The following COL4A1 variants were observed in gnomAD, a reference collection of about 807,000 sequenced individuals.
COL4A1 encodes the protein collagen alpha-1(IV) chain.
COL4A1 carries 40 observed loss-of-function variants against 216.6 expected under a neutral mutation model. The observed-to-expected ratio is 0.18, with a 90% CI of 0.14 to 0.24. The LOEUF (loss-of-function observed/expected upper bound fraction) is 0.24. Ranked by LOEUF, COL4A1 falls within the 10% of genes least tolerant of loss-of-function variation. The pLI is 1.00. For missense variants in COL4A1, 1,628 were observed against 2,196.8 expected, an observed-to-expected ratio of 0.74 and a Z score of 5.18; for synonymous variants, 839 against 810.7, an observed-to-expected ratio of 1.03 and a Z score of -0.59.
At chr13:110,253,870 GTATATA>G (rs1037097541) in intron 1 of COL4A1, among the ~76,000 whole-genome samples, 13 of 149,878 alleles carry the variant, frequency 8.7e-5, no homozygotes, top group Non-Finnish European at 1.9e-4. Flanking sequence ...ATGTGTGTGT[GTATATA>G]TATAAAGTAT....
intron 29 of COL4A1, 52 bp downstream of exon 29, chr13:110,181,240 C>T: frequency 1.9e-6 from 3 of 1,561,634 alleles, no homozygotes; most frequent in Non-Finnish European, 2.6e-6. Context: ...TTCCATCCAA[C>T]TAATAACAAG....
intron 49 of COL4A1, among the ~76,000 whole-genome samples, chr13:110,158,552 G>C (rs1040859433): frequency 2.7e-5 from 4 of 149,496 alleles, no homozygotes; most frequent in African/African-American, 9.8e-5. Context: ...CTTCCTACCT[G>C]ATACTGCTAC....
rs143997808 is a variant in COL4A1 at position 110,230,331 on chromosome 13, C to T, written c.144+12344G>A. ...TGCGTGTATGTGATATGTGCATGCA[C>T]GTGATGTGTGCATGCACACATGTGA... On this transcript the variant is annotated intron_variant, in intron 2 of 51. Transcript: ENST00000375820. Among the ~76,000 whole-genome samples the T allele has an allele frequency of 3.0e-4, 45 of 151,858 alleles. No individual in the cohort carries two copies. The East Asian group carries it at 6.1e-3, about 21-fold the overall frequency.
chr13:110,252,376 C>A (rs2139259850), intron 1 of COL4A1, among the ~76,000 whole-genome samples: 1 of 150,280 alleles, frequency 6.7e-6, no homozygotes, highest in African/African-American at 2.5e-5. Flanking sequence ...TTTATAATAA[C>A]ATTTAATTTT....
intron 2 of COL4A1, among the ~76,000 whole-genome samples, chr13:110,220,036 C>T (rs1880398409): frequency 6.6e-6 from 1 of 150,600 alleles, no homozygotes; most frequent in African/African-American, 2.4e-5. Flanking sequence ...GTGTTACTAT[C>T]TTGGCTCACT....
chr13:110,272,223 T>C (rs1415594279), intron 1 of COL4A1, among the ~76,000 whole-genome samples: 1 of 152,236 alleles, frequency 6.6e-6, no homozygotes, highest in South Asian at 2.1e-4. Flanking sequence ...CCTCTTTTTC[T>C]TTTTCAGTAA....
At chr13:110,177,752 G>A in intron 33 of COL4A1, 90 bp downstream of exon 33, 1 of 1,384,796 alleles carries the variant, frequency 7.2e-7, no homozygotes, top group South Asian at 1.2e-5. Context: ...CGTCTTAAAG[G>A]GAAATATGAT....
intron 1 of COL4A1, among the ~76,000 whole-genome samples, chr13:110,297,221 G>A (rs967720545): frequency 1.3e-4 from 20 of 152,262 alleles, no homozygotes; most frequent in Admixed American, 2.0e-4. Flanking sequence ...CTGAAGCTGC[G>A]GGGTGGGGGG....
chr13:110,241,516 C>CA (rs1881567027), intron 2 of COL4A1, among the ~76,000 whole-genome samples: 1 of 152,170 alleles, frequency 6.6e-6, no homozygotes, highest in Admixed American at 6.5e-5. Context: ...GCATGAGAAA[C>CA]ACTTGCGTCT....
In COL4A1 at chr13:110,198,479, G is replaced by A. The variant is rs1277788794; in HGVS notation, c.1273C>T (p.Pro425Ser). ...PPGSPGPPGQ[P>S]GYTNGIVECQ... ...TGAGGGAACTCACTTGTGTAGCCAG[G>A]CTGCCCAGGGGGCCCAGGGGAACCA... Residue 425 changes from proline to serine, a missense_variant, in exon 21 of 52, where the codon CCT (proline) becomes TCT (serine). Physicochemically the swap from Pro to Ser is moderately conservative, Grantham distance 74 (BLOSUM62 -1). Around this residue, in one of 8 missense-constraint regions of COL4A1, gnomAD observed 701 missense variants for 892.5 expected, o/e 0.79. Transcript: ENST00000375820. 3 of 1,613,768 alleles carry A rather than the reference G, an allele frequency of 1.9e-6. No homozygotes were observed. The Admixed American group carries it at 5.0e-5, about 27-fold the overall frequency.
At chr13:110,251,214 C>T (rs1882057569) in intron 1 of COL4A1, among the ~76,000 whole-genome samples, 1 of 152,362 alleles carries the variant, frequency 6.6e-6, no homozygotes, top group South Asian at 2.1e-4. Context: ...TTTTCATCTT[C>T]CATGGCCTAC....
chr13:110,209,539 G>A (rs916963908), intron 10 of COL4A1, 112 bp from the exon 11 acceptor site: 8 of 885,804 alleles, frequency 9.0e-6, no homozygotes, highest in Non-Finnish European at 1.3e-5. Flanking sequence ...TAATTTATTT[G>A]TGAAATATTT....
At chr13:110,286,554 A>G (rs551212) in intron 1 of COL4A1, among the ~76,000 whole-genome samples, 124,527 of 151,810 alleles carry the variant, frequency 0.82, 51,291 homozygotes, top group East Asian at 0.99. Flanking sequence ...CTGAGGCAGT[A>G]AGACCACCAG....
At chr13:110,175,706 T>G (rs1048397607) in intron 36 of COL4A1, among the ~76,000 whole-genome samples, 3 of 152,244 alleles carry the variant, frequency 2.0e-5, no homozygotes, top group Admixed American at 1.3e-4. Context: ...CCAGCTCTCA[T>G]CAGCCAGACG....
intron 1 of COL4A1, among the ~76,000 whole-genome samples, chr13:110,262,267 CG>C (rs1882860447): frequency 2.0e-5 from 3 of 152,134 alleles, no homozygotes; most frequent in Admixed American, 1.3e-4. Context: ...TGCACCTGCC[CG>C]CCAGCAAGTG....
chr13:110,307,011 C>G lies in COL4A1; in HGVS notation c.17G>C (p.Ser6Thr). The G allele has an allele frequency of 2.0e-6, 3 of 1,471,592 alleles. No individual in the cohort carries two copies. The highest frequency in any genetic ancestry group is 2.7e-6 in the Non-Finnish European group (3 of 1,116,888). 91.2% of individuals were successfully genotyped at this position (1,471,592 alleles called of 1,614,324 possible). The change falls in exon 1 of 52, where the codon AGC becomes ACC. Residue 6 changes from serine (S) to threonine (T), a missense_variant. Physicochemically the swap from Ser to Thr is moderately conservative, Grantham distance 58. This residue lies in a region of COL4A1 where 74 missense variants were observed against 61.7 expected (regional missense o/e 1.20). Transcript: ENST00000375820. The surrounding 1 kb of genome is among the most constrained non-coding windows in gnomAD (Gnocchi z 5.0). Reference protein sequence around the residue: MGPRLSVWLLLLPAAL... With the variant: MGPRLTVWLLLLPAAL... Reference sequence around the variant, plus strand: ...GGCGGGCAGCAGCAGCAGCCAGACGCTGAGCCGGGGCCCCATGGTGGCGCG... The same window carrying G: ...GGCGGGCAGCAGCAGCAGCCAGACGGTGAGCCGGGGCCCCATGGTGGCGCG...
intron 2 of COL4A1, among the ~76,000 whole-genome samples, chr13:110,233,616 A>G (rs1412543683): frequency 6.6e-6 from 1 of 152,232 alleles, no homozygotes; most frequent in Non-Finnish European, 1.5e-5. Context: ...AAAAACTCGC[A>G]GCGGTATTTG....
chr13:110,214,574 C>T (rs900641308), intron 2 of COL4A1, among the ~76,000 whole-genome samples: 17 of 152,004 alleles, frequency 1.1e-4, no homozygotes, highest in African/African-American at 4.1e-4. Flanking sequence ...AGTTGAGGCC[C>T]GGATAGAACA....
intron 37 of COL4A1, 82 bp downstream of exon 37, chr13:110,175,136 T>G: frequency 4.5e-6 from 7 of 1,550,392 alleles, no homozygotes; most frequent in Non-Finnish European, 6.2e-6. Context: ...TTGAGTGTGC[T>G]GAGATATTTG....
Sources: gnomAD v4.1 joint callset for allele counts (sites outside exome capture counted in the v4.1 genomes callset) on GRCh38, gnomAD v4.1.1 for gene constraint, gnomAD v4.1.1 regional missense constraint, Gnocchi (gnomAD v3.1) non-coding constraint, MANE v1.5 for transcripts, NCBI Gene and HGNC (gene_info 2026-07-23, HGNC 2026-07-21) for gene names.